The following DLG2 variants were observed in gnomAD, a reference collection of about 807,000 sequenced individuals.
DLG2 encodes the protein discs large MAGUK scaffold protein 2.
In DLG2, 45 loss-of-function variants were observed where a neutral mutation model predicts 132.5. The ratio of observed to expected loss-of-function variants is 0.34; its 90% CI spans 0.27 to 0.44. The LOEUF is 0.44. DLG2 is among the 20% of genes least tolerant of loss of function. The pLI is 1.00. For synonymous variants in DLG2, 424 were observed against 419.6 expected (o/e 1.01, Z -0.13); for missense variants, 1,045 against 1,196.9 (o/e 0.87, Z 1.87).
At chr11:84,554,959 TG>T (rs1397461831) in intron 6 of DLG2, among the ~76,000 whole-genome samples, 1 of 152,130 alleles carries the variant, frequency 6.6e-6, no homozygotes, top group Non-Finnish European at 1.5e-5. Flanking sequence ...AGAATCTTTG[TG>T]TTGGAAAAGA....
intron 22 of DLG2, 118 bp from the exon 23 acceptor site, chr11:83,472,895 TC>T: frequency 1.2e-6 from 1 of 809,846 alleles, no homozygotes; most frequent in Admixed American, 2.6e-5. Context: ...TTGCTCTTTC[TC>T]CTTGAACCAT....
intron 19 of DLG2, among the ~76,000 whole-genome samples, chr11:83,603,755 TA>T (rs538389957): frequency 6.6e-6 from 1 of 152,316 alleles, no homozygotes; most frequent in South Asian, 2.1e-4. Flanking sequence ...CATGTTTTCA[TA>T]TGTTAATAAG....
chr11:84,387,123 CCCAGGTCATCCCCCATCA>C (rs2098773913), intron 7 of DLG2, among the ~76,000 whole-genome samples: 2 of 151,950 alleles, frequency 1.3e-5, no homozygotes, highest in African/African-American at 2.4e-5. Flanking sequence ...GCAGTTGAGT[CCCAGGTCATCCCCCATCA>C]CCACACTGGG....
chr11:84,116,070 GT>G (rs1262556376), intron 9 of DLG2, among the ~76,000 whole-genome samples: 1 of 152,196 alleles, frequency 6.6e-6, no homozygotes, highest in Non-Finnish European at 1.5e-5. Context: ...AGCTCAATAT[GT>G]CCACCAAATT....
chr11:84,777,097 C>T (rs1036868970), intron 6 of DLG2, among the ~76,000 whole-genome samples: 2 of 151,216 alleles, frequency 1.3e-5, no homozygotes, highest in South Asian at 2.1e-4. Context: ...TCTGTATGTC[C>T]GTATGTACAC....
At chr11:85,099,794 A>G (rs1194732130) in intron 6 of DLG2, among the ~76,000 whole-genome samples, 8 of 152,304 alleles carry the variant, frequency 5.3e-5, no homozygotes, top group Admixed American at 4.6e-4. Context: ...ATACCAGATA[A>G]AAGAGAACAT....
chr11:83,786,859 G>C, intron 17 of DLG2, 67 bp from the exon 18 acceptor site: 2 of 1,448,376 alleles, frequency 1.4e-6, no homozygotes, highest in Non-Finnish European at 1.9e-6. Flanking sequence ...GAAGAAAAAA[G>C]TTTCCCAAAA....
rs564201502 is a variant in DLG2 at position 84,792,667 on chromosome 11, G to T, written c.358-257936C>A. 4.6e-5 allele frequency among the ~76,000 whole-genome samples: 7 copies of T among 152,122 alleles called. No individual in the cohort carries two copies. In the South Asian group the frequency reaches 1.5e-3, roughly 32 times the overall value. The stretch of plus-strand genomic sequence containing the variant: ...AATATTGGTAGGTTCTATGTGTCTA[G>T]GAATGTATACATTGCCTCTAGATTT... On this transcript the variant is annotated intron_variant, in intron 6 of 27. Coordinates refer to ENST00000376104, the MANE Select transcript of DLG2 (RefSeq NM_001142699.3).
intron 9 of DLG2, among the ~76,000 whole-genome samples, chr11:84,112,528 A>ATT (rs1555352897): frequency 3.5e-5 from 5 of 142,992 alleles, no homozygotes; most frequent in African/African-American, 1.3e-4. Context: ...AACCATGAGA[A>ATT]TTTTTTTTTT....
chr11:84,517,092 G>A (rs976186288), intron 7 of DLG2, among the ~76,000 whole-genome samples: 2 of 139,950 alleles, frequency 1.4e-5, no homozygotes, highest in Non-Finnish European at 3.1e-5. Flanking sequence ...ACATTGGTTT[G>A]AGCAATAATT....
chr11:84,730,180 C>T (rs763682007), intron 6 of DLG2, among the ~76,000 whole-genome samples: 5 of 151,986 alleles, frequency 3.3e-5, no homozygotes, highest in Non-Finnish European at 7.4e-5. Context: ...AAAGTTGGAT[C>T]TATGTTCCAG....
chr11:85,141,873 G>T (rs911943042), intron 5 of DLG2, among the ~76,000 whole-genome samples: 1 of 151,766 alleles, frequency 6.6e-6, no homozygotes, highest in Non-Finnish European at 1.5e-5. Context: ...GTAGATGTAT[G>T]GATTTATTTT....
intron 6 of DLG2, among the ~76,000 whole-genome samples, chr11:84,648,483 T>G (rs2099677495): frequency 6.6e-6 from 1 of 152,190 alleles, no homozygotes; most frequent in African/African-American, 2.4e-5. Flanking sequence ...TATTTCATTT[T>G]TCTCTATTGT....
chr11:84,056,053 C>T (rs752653084), intron 11 of DLG2, among the ~76,000 whole-genome samples: 1 of 151,942 alleles, frequency 6.6e-6, no homozygotes, highest in African/African-American at 2.4e-5. Flanking sequence ...ATAAACTATG[C>T]ACATGTTAAG....
intron 12 of DLG2, among the ~76,000 whole-genome samples, chr11:83,975,568 A>G (rs1022468906): frequency 1.3e-5 from 2 of 152,030 alleles, no homozygotes; most frequent in Non-Finnish European, 2.9e-5. Context: ...GAATATTTAC[A>G]AAGGTCACAT....
intron 19 of DLG2, among the ~76,000 whole-genome samples, chr11:83,615,077 G>C (rs527294956): frequency 6.6e-6 from 1 of 152,234 alleles, no homozygotes; most frequent in Admixed American, 6.5e-5. Flanking sequence ...GCAGCACCTG[G>C]GGTTCTTGCT....
intron 4 of DLG2, among the ~76,000 whole-genome samples, chr11:85,190,924 A>G (rs2080480594): frequency 6.6e-6 from 1 of 152,188 alleles, no homozygotes; most frequent in African/African-American, 2.4e-5. Flanking sequence ...AAACTAGTTC[A>G]GCCACTGTGG....
intron 7 of DLG2, among the ~76,000 whole-genome samples, chr11:84,527,815 T>C (rs1041248946): frequency 2.6e-5 from 4 of 152,102 alleles, no homozygotes; most frequent in African/African-American, 9.6e-5. Flanking sequence ...TGATAAAATA[T>C]GAAGTTTAGA....
At chr11:84,990,082 G>A (rs1012923692) in intron 6 of DLG2, among the ~76,000 whole-genome samples, 12 of 152,176 alleles carry the variant, frequency 7.9e-5, no homozygotes, top group South Asian at 2.1e-4. Context: ...TACAGGACAA[G>A]AGTACGAATT....
Sources: gnomAD v4.1 joint callset for allele counts (sites outside exome capture counted in the v4.1 genomes callset) on GRCh38, gnomAD v4.1.1 for gene constraint, MANE v1.5 for transcripts, NCBI Gene and HGNC (gene_info 2026-07-23, HGNC 2026-07-21) for gene names.